Variants in MTTP observed in about 807,000 individuals in gnomAD.
The protein encoded by MTTP is microsomal triglyceride transfer protein.
A neutral mutation model predicts 90.6 loss-of-function variants in MTTP; 49 were observed. The ratio of observed to expected loss-of-function variants is 0.54; its 90% confidence interval spans 0.43 to 0.69. The LOEUF is 0.69. Ranked by LOEUF, MTTP falls within the 30% of genes least tolerant of loss-of-function variation. MTTP has a pLI of 0.00. For synonymous variants in MTTP, 347 were observed against 384.2 expected (o/e 0.90, Z 1.13); for missense variants, 945 against 1,067.5 (o/e 0.89, Z 1.60).
Position 99,597,063 on chromosome 4 carries a change from G to A in MTTP, c.910-4G>A. ...GGTATGAGCCTGCAGTGTATGTTTT[G>A]CAGCTCTCGGAGCTCTGGCGGTCCA... On this transcript the variant is annotated splice_polypyrimidine_tract_variant and splice_region_variant and intron_variant, in intron 7 of 17. Coordinates refer to ENST00000265517, the MANE Select transcript of MTTP (RefSeq NM_001386140.1). The A allele has an allele frequency of 6.2e-7, 1 of 1,613,634 alleles. No individual in the cohort carries two copies.
At chr4:99,597,321 C>T in intron 8 of MTTP, 97 bp downstream of exon 8, 1 of 1,337,680 alleles carries the variant, frequency 7.5e-7, no homozygotes, top group East Asian at 2.3e-5. Context: ...ACCAACTGCC[C>T]CACCACCAAA....
intron 9 of MTTP, 150 bp downstream of exon 9, chr4:99,600,883 A>G (rs1725680232): frequency 2.6e-6 from 2 of 755,648 alleles, no homozygotes; most frequent in East Asian, 5.4e-5. Flanking sequence ...TCTATCCACT[A>G]ATTATTAACT....
In MTTP at chr4:99,579,029, G is replaced by C. The variant is rs745455388; in HGVS notation, c.62-2876G>C. ...TACAATGCAGAAGACATAGAGATAAGAGGGAATCCCAGTCTTCATCCCCTT... is the reference window on the plus strand; with the variant it reads ...TACAATGCAGAAGACATAGAGATAACAGGGAATCCCAGTCTTCATCCCCTT... On this transcript the variant is annotated intron_variant, in intron 1 of 17. Coordinates refer to ENST00000265517, the MANE Select transcript of MTTP (RefSeq NM_001386140.1). Among the ~76,000 whole-genome samples the C allele has an allele frequency of 7.4e-4, 113 of 152,298 alleles. 1 individual carries two copies. The highest frequency in any genetic ancestry group is 9.6e-4 in the Non-Finnish European group (65 of 68,030).
chr4:99,608,828 C>T lies in MTTP; in HGVS notation c.1620C>T (p.Arg540=). 1 of 1,614,124 alleles carries T rather than the reference C, an allele frequency of 6.2e-7. No homozygotes were observed. Among genetic ancestry groups the T allele is most frequent in the African/African-American group, 1.3e-5 (1 of 75,018 alleles). ...GTAAAGTTCATGAAAAGACTGTGCG[C>T]ACTGCTGCAGCTGCTATCATTTTAA... ...QNRKVHEKTV[R]TAAAAIILNN... Residue 540 remains arginine (R), a synonymous_variant, in exon 12 of 18, where the codon CGC becomes CGT. Coordinates refer to ENST00000265517, the MANE Select transcript of MTTP (RefSeq NM_001386140.1).
chr4:99,567,120 A>G lies in MTTP; in HGVS notation c.-102+2883A>G, dbSNP rs116031490. 1.7e-3 allele frequency among the ~76,000 whole-genome samples: 259 copies of G among 152,192 alleles called. 2 individuals carry two copies. The highest frequency in any genetic ancestry group is 6.1e-3 in the African/African-American group (252 of 41,508). Reference sequence around the variant, plus strand: ...ATTTCGACTGACTCCAAAAATACAGAAAAAAAACTTTAAAATGTATTTGTA... The same window carrying G: ...ATTTCGACTGACTCCAAAAATACAGGAAAAAAACTTTAAAATGTATTTGTA... On this transcript the variant is annotated intron_variant, in intron 1 of 18. Transcript: ENST00000457717.
intron 1 of MTTP, among the ~76,000 whole-genome samples, chr4:99,577,605 C>CAAAAAAAAAAAAAAAAAA (rs10605949): frequency 2.0e-5 from 2 of 101,290 alleles, no homozygotes; most frequent in African/African-American, 3.5e-5. Flanking sequence ...AACTCTGTTT[C>CAAAAAAAAAAAAAAAAAA]AAAAAAAAAA....
chr4:99,594,699 T>C lies in MTTP; in HGVS notation c.759-34T>C, dbSNP rs770837410. On this transcript the variant is annotated intron_variant, in intron 6 of 17. Coordinates refer to ENST00000265517, the MANE Select transcript of MTTP (RefSeq NM_001386140.1). ...GTATCTTGTTCACTCAAAAGAATGA[T>C]TATAATATAGCATTTCCCTTTGGTA... 13 of 1,611,970 alleles carry C rather than the reference T, an allele frequency of 8.1e-6. No homozygotes were observed. In the South Asian group the frequency reaches 1.3e-4, roughly 16 times the overall value.
intron 16 of MTTP, chr4:99,620,759 A>G (rs1726209166): frequency 3.0e-6 from 1 of 338,274 alleles, no homozygotes; most frequent in South Asian, 4.2e-5. Context: ...GAATGTTTTC[A>G]TTTTGGTCTT....
intron 1 of MTTP, 116 bp downstream of exon 1, chr4:99,575,086 A>G (rs370188861): frequency 3.6e-5 from 44 of 1,207,782 alleles, no homozygotes; most frequent in East Asian, 4.7e-5. Context: ...TGACTAAACT[A>G]TCTTCAAAAC....
chr4:99,588,561 C>A (rs1028184881), intron 3 of MTTP, among the ~76,000 whole-genome samples: 1 of 151,756 alleles, frequency 6.6e-6, no homozygotes, highest in African/African-American at 2.4e-5. Context: ...ACTATTCCTG[C>A]CAAATCATAG....
chr4:99,596,823 A>G (rs1198875914), intron 7 of MTTP, among the ~76,000 whole-genome samples: 1 of 152,136 alleles, frequency 6.6e-6, no homozygotes, highest in Non-Finnish European at 1.5e-5. Flanking sequence ...TTATTGCCCT[A>G]GGATCTTCAA....
chr4:99,615,958 C>G (rs1726088442), intron 15 of MTTP, among the ~76,000 whole-genome samples: 1 of 152,186 alleles, frequency 6.6e-6, no homozygotes, highest in South Asian at 2.1e-4. Context: ...AATATGCACT[C>G]TGGGCCAAAC....
upstream of MTTP, chr4:99,570,645 T>A (rs974042218): frequency 2.2e-6 from 1 of 454,738 alleles, no homozygotes; most frequent in Non-Finnish European, 4.4e-6. Flanking sequence ...GTAGATGAAA[T>A]TAAAGTTACC....
At chr4:99,583,298 A>G in intron 2 of MTTP, 76 bp from the exon 3 acceptor site, 1 of 1,506,546 alleles carries the variant, frequency 6.6e-7, no homozygotes, top group East Asian at 2.3e-5. Flanking sequence ...TTTCTTTATC[A>G]TTTTATTTTC....
At chr4:99,582,419 A>G (rs1048374751) in intron 2 of MTTP, among the ~76,000 whole-genome samples, 1 of 152,216 alleles carries the variant, frequency 6.6e-6, no homozygotes, top group African/African-American at 2.4e-5. Context: ...TCCATGTTGT[A>G]TGAAAAACAA....
Position 99,613,024 on chromosome 4 carries a change from C to T in MTTP, c.2101C>T (p.Leu701Phe). 6.2e-7 allele frequency: 1 copy of T among 1,614,086 alleles called. No homozygotes were observed. Residue 701 changes from leucine to phenylalanine, a missense_variant, in exon 15 of 18, where the codon CTC (leucine) becomes TTC (phenylalanine). By Grantham distance (22) the Leu-to-Phe change is conservative. Transcript: ENST00000265517. The stretch of plus-strand genomic sequence containing the variant: ...GTCAGCCATCCTCTTTGATGTTCAG[C>T]TCAGACCTGTCACCTTTTTCAACGG... Reference protein sequence around the residue: ...GMSAILFDVQLRPVTFFNGYS... With the variant: ...GMSAILFDVQFRPVTFFNGYS...
intron 1 of MTTP, among the ~76,000 whole-genome samples, chr4:99,581,274 C>A (rs919602395): frequency 6.6e-6 from 1 of 152,112 alleles, no homozygotes; most frequent in Non-Finnish European, 1.5e-5. Flanking sequence ...TTACCCCATG[C>A]CAACTTTAAG....
At chr4:99,608,281 C>T (rs1472485839) in intron 11 of MTTP, among the ~76,000 whole-genome samples, 1 of 151,980 alleles carries the variant, frequency 6.6e-6, no homozygotes, top group African/African-American at 2.4e-5. Flanking sequence ...CCCATCTCTA[C>T]TAAAAATACA....
At chr4:99,591,497 G>T (rs1725419039) in intron 5 of MTTP, 146 bp downstream of exon 5, 1 of 1,077,696 alleles carries the variant, frequency 9.3e-7, no homozygotes, top group Non-Finnish European at 1.4e-6. Context: ...CATATGTAAT[G>T]AATAGACCCA....
Sources: allele counts gnomAD v4.1 joint callset (sites outside exome capture counted in the v4.1 genomes callset), GRCh38; gene constraint gnomAD v4.1.1; transcripts MANE v1.5; gene names NCBI Gene and HGNC (gene_info 2026-07-23, HGNC 2026-07-21).